Variants in DBNDD1 observed in about 807,000 individuals in gnomAD.
The protein encoded by DBNDD1 is dysbindin domain containing 1.
A neutral mutation model predicts 17.0 loss-of-function variants in DBNDD1; 14 were observed. The ratio of observed to expected loss-of-function variants is 0.82; its 90% CI spans 0.54 to 1.29. The LOEUF is 1.29. Among genes scored for constraint, DBNDD1 ranks in the 50% most tolerant of loss-of-function variants. DBNDD1 has a pLI of 0.00. For synonymous variants in DBNDD1, 105 were observed against 102.0 expected, an observed-to-expected ratio of 1.03 and a Z score of -0.18; for missense variants, 221 against 216.2, an observed-to-expected ratio of 1.02 and a Z score of -0.14.
Position 90,005,091 on chromosome 16 carries a change from A to G in DBNDD1, c.*1244T>C, listed in dbSNP as rs532202760. 1.3e-5 allele frequency: 2 copies of G among 152,740 alleles called. No homozygotes were observed. Among genetic ancestry groups the G allele is most frequent in the African/African-American group, 4.8e-5 (2 of 41,572 alleles). 9.5% of individuals were successfully genotyped at this position (152,740 alleles called of 1,614,324 possible). ...TGAGGCAGGAACTGGGTTTGCCAGC[A>G]GTGCGGAGGGGCAGCGGGTGGCTCA... On this transcript the variant is annotated 3_prime_UTR_variant, in exon 4 of 4. Transcript: ENST00000002501.
At chr16:90,010,171 GAGT>G (rs2035525899) in intron 1 of DBNDD1, 4 of 819,042 alleles carry the variant, frequency 4.9e-6, no homozygotes, top group Non-Finnish European at 7.8e-6. Context: ...TCATCCCCCT[GAGT>G]AGATGGGATT....
At chr16:90,009,175 C>G in intron 2 of DBNDD1, 109 bp downstream of exon 2, 1 of 1,490,744 alleles carries the variant, frequency 6.7e-7, no homozygotes, top group South Asian at 1.3e-5. Flanking sequence ...CAGCGCCGGA[C>G]CTAGACCCCC....
rs377382993 is a variant in DBNDD1, at chr16:90,017,543, G to A, written c.31+1768C>T. On this transcript the variant is annotated intron_variant, in intron 1 of 3. Coordinates refer to ENST00000002501, the MANE Select transcript of DBNDD1 (RefSeq NM_001042610.3). ...ACAGATATTTCTGAATTATTTATCAGTGAAATAATATGTCTAGATTTGGTT... is the reference window on the plus strand; with the variant it reads ...ACAGATATTTCTGAATTATTTATCAATGAAATAATATGTCTAGATTTGGTT... 2.8e-4 allele frequency among the ~76,000 whole-genome samples: 42 copies of A among 152,310 alleles called. No homozygotes were observed. In the South Asian group the frequency reaches 8.5e-3, roughly 31 times the overall value.
In DBNDD1 at chr16:90,010,199, G is replaced by C. The variant is rs376295818; in HGVS notation, c.32-769C>G. The C allele has an allele frequency of 2.6e-5, 16 of 621,200 alleles. 1 individual carries two copies. The Admixed American group carries it at 3.5e-4, about 14-fold the overall frequency. The allele number at this position is 621,200 out of a possible 1,614,324, so 38.5% of individuals were successfully genotyped here. On this transcript the variant is annotated intron_variant, in intron 1 of 3. Transcript: ENST00000002501. Reference sequence around the variant, plus strand: ...TAGATGGGATTACAGGCATGCACCAGCACGCCCGGCTAATTTTTGTATTTT... The same window carrying C: ...TAGATGGGATTACAGGCATGCACCACCACGCCCGGCTAATTTTTGTATTTT...
intron 1 of DBNDD1, among the ~76,000 whole-genome samples, chr16:90,018,720 C>T (rs2035696256): frequency 6.6e-6 from 1 of 152,200 alleles, no homozygotes; most frequent in Non-Finnish European, 1.5e-5. Flanking sequence ...GCGCACCTAC[C>T]CTCCCCGATG....
intron 1 of DBNDD1, among the ~76,000 whole-genome samples, chr16:90,018,630 G>A (rs938746600): frequency 2.0e-5 from 3 of 152,232 alleles, no homozygotes; most frequent in Admixed American, 2.0e-4. Flanking sequence ...GAAGGGGGGA[G>A]GTTCTGAGAG....
intron 2 of DBNDD1, 56 bp downstream of exon 2, chr16:90,009,228 C>A: frequency 1.2e-6 from 2 of 1,603,468 alleles, no homozygotes; most frequent in Middle Eastern, 3.8e-4. Flanking sequence ...TGCCTTGTCT[C>A]TTGGGGGAGC....
At chr16:90,014,684 G>T (rs1391930635) in intron 1 of DBNDD1, among the ~76,000 whole-genome samples, 1 of 152,104 alleles carries the variant, frequency 6.6e-6, no homozygotes, top group Non-Finnish European at 1.5e-5. Context: ...GCCCTGTGTG[G>T]AATGAATATC....
intron 1 of DBNDD1, among the ~76,000 whole-genome samples, chr16:90,015,656 A>G (rs185888398): frequency 6.6e-6 from 1 of 152,322 alleles, no homozygotes; most frequent in East Asian, 1.9e-4. Context: ...TGTGCCTACC[A>G]TGGAGTGAGA....
intron 1 of DBNDD1, among the ~76,000 whole-genome samples, chr16:90,016,903 G>C (rs1015502365): frequency 2.6e-5 from 4 of 152,200 alleles, no homozygotes; most frequent in Admixed American, 2.0e-4. Flanking sequence ...GCAGAGGCAG[G>C]GGCCACCTGC....
rs1049884051 is a variant in DBNDD1, at chr16:90,019,119, C to T, written c.31+192G>A. On this transcript the variant is annotated intron_variant, in intron 1 of 3. Transcript: ENST00000002501. The surrounding 1 kb of genome is among the most constrained non-coding windows in gnomAD (Gnocchi z 6.1). ...CGCAGAGAACAAGGGGGCGGAGACT[C>T]GGTCCGTGTGCCCCCAGCCCCGCGC... Among the ~76,000 whole-genome samples, 1 of 152,192 alleles carries T rather than the reference C, an allele frequency of 6.6e-6. No individual in the cohort carries two copies. Among genetic ancestry groups the T allele is most frequent in the African/African-American group, 2.4e-5 (1 of 41,464 alleles).
At chr16:90,008,744 C>G (rs1233489446) in intron 3 of DBNDD1, 40 bp downstream of exon 3, 1 of 1,573,420 alleles carries the variant, frequency 6.4e-7, no homozygotes, top group Non-Finnish European at 8.6e-7. Context: ...CCTCAGCCCA[C>G]CAGGCACACC....
intron 1 of DBNDD1, among the ~76,000 whole-genome samples, chr16:90,018,864 G>C (rs537085647): frequency 4.6e-5 from 7 of 152,314 alleles, no homozygotes; most frequent in Admixed American, 3.9e-4. Context: ...CTGCCCGCGA[G>C]TCTACGGCCC....
chr16:90,019,732 C>T (rs988501364), upstream of DBNDD1: 15 of 654,306 alleles, frequency 2.3e-5, no homozygotes, highest in Middle Eastern at 2.7e-4. The surrounding 1 kb of genome is among the most constrained non-coding windows in gnomAD (Gnocchi z 6.1). Flanking sequence ...ACTCACTTGG[C>T]GGCCGCGCCC....
At chr16:90,019,761 T>A (rs1173763701), upstream of DBNDD1, 1 of 680,698 alleles carries the variant, frequency 1.5e-6, no homozygotes, top group African/African-American at 1.8e-5. The surrounding 1 kb of genome is among the most constrained non-coding windows in gnomAD (Gnocchi z 6.1). Flanking sequence ...CCTCTTGTTC[T>A]CTTCCAGGTA....
intron 1 of DBNDD1, among the ~76,000 whole-genome samples, chr16:90,015,730 T>C (rs1421543921): frequency 1.2e-4 from 19 of 152,254 alleles, no homozygotes; most frequent in African/African-American, 2.4e-5. Context: ...GATCACCTCA[T>C]TCGAGTGAAG....
chr16:90,006,500 C>A lies in DBNDD1; in HGVS notation c.320-8G>T. 2 of 1,594,922 alleles carry A rather than the reference C, an allele frequency of 1.3e-6. No individual in the cohort carries two copies. Among genetic ancestry groups the A allele is most frequent in the South Asian group, 2.2e-5 (2 of 90,878 alleles). ...GGGGCAGCGGGTGCAGACCTAGGGG[C>A]ATGCGGGAAGGGGAACTCGGTGTGG... On this transcript the variant is annotated splice_region_variant and splice_polypyrimidine_tract_variant and intron_variant, in intron 3 of 3. Transcript: ENST00000002501.
At chr16:90,015,610 G>A (rs753746928) in intron 1 of DBNDD1, among the ~76,000 whole-genome samples, 1 of 152,178 alleles carries the variant, frequency 6.6e-6, no homozygotes. Flanking sequence ...ATAATCCAAT[G>A]TCCTCAGTGG....
chr16:90,009,608 G>C, intron 1 of DBNDD1, 178 bp from the exon 2 acceptor site: 11 of 902,304 alleles, frequency 1.2e-5, no homozygotes, highest in Non-Finnish European at 1.8e-5. Context: ...AAGGGGTTGA[G>C]GGGCTTCAAG....
Sources: gnomAD v4.1 joint callset for allele counts (sites outside exome capture counted in the v4.1 genomes callset) on GRCh38, gnomAD v4.1.1 for gene constraint, Gnocchi (gnomAD v3.1) non-coding constraint, MANE v1.5 for transcripts, NCBI Gene and HGNC (gene_info 2026-07-23, HGNC 2026-07-21) for gene names.